RALGAPA2: variants seen among roughly 807,000 people sequenced by gnomAD.
RALGAPA2 encodes the protein Ral GTPase activating protein catalytic subunit alpha 2.
In RALGAPA2, 139 loss-of-function variants were observed where a neutral mutation model predicts 230.4. The ratio of observed to expected loss-of-function variants is 0.60; its 90% CI spans 0.53 to 0.69. The LOEUF (loss-of-function observed/expected upper bound fraction) is 0.69, where lower values mean the gene tolerates loss of function less well. RALGAPA2 is among the 30% of genes least tolerant of loss of function. RALGAPA2 has a pLI of 0.00. For missense variants in RALGAPA2, 2,163 were observed against 2,276.0 expected (o/e 0.95, Z 1.01); for synonymous variants, 847 against 837.8 (o/e 1.01, Z -0.19).
Position 20,513,111 on chromosome 20 carries a change from C to T in RALGAPA2, c.4258G>A (p.Val1420Met). Residue 1420 changes from valine (V) to methionine (M), a missense_variant, in exon 32 of 40, where the codon GTG (valine) becomes ATG (methionine). Transcript: ENST00000202677. ...HVEGSELSFE[V>M]FRSPNLQLFV... is the part of the protein sequence containing the mutation. Reference sequence around the variant, plus strand: ...AGCTGCAGGTTTGGACTTCTGAACACCTCAAAGGACAGCTCGGAGCCTTCC... The same window carrying T: ...AGCTGCAGGTTTGGACTTCTGAACATCTCAAAGGACAGCTCGGAGCCTTCC... 1 of 1,588,834 alleles carries T rather than the reference C, an allele frequency of 6.3e-7. No individual in the cohort carries two copies. The highest frequency in any genetic ancestry group is 8.6e-7 in the Non-Finnish European group (1 of 1,169,214).
intron 4 of RALGAPA2, among the ~76,000 whole-genome samples, chr20:20,647,528 A>G (rs2067257110): frequency 6.6e-6 from 1 of 152,248 alleles, no homozygotes; most frequent in African/African-American, 2.4e-5. Flanking sequence ...TGAAAACATA[A>G]AAGATCTTTG....
At chr20:20,480,660 T>C (rs1303471938) in intron 36 of RALGAPA2, among the ~76,000 whole-genome samples, 1 of 152,148 alleles carries the variant, frequency 6.6e-6, no homozygotes, top group Non-Finnish European at 1.5e-5. Context: ...GGGTGAGTGG[T>C]CCTGCCAGGG....
rs2059633493 is a variant in RALGAPA2 at position 20,393,199 on chromosome 20, T to A, written c.*90A>T. 7.4e-7 allele frequency: 1 copy of A among 1,349,776 alleles called. No homozygotes were observed. The highest frequency in any genetic ancestry group is 9.9e-7 in the Non-Finnish European group (1 of 1,013,836). 83.6% of individuals were successfully genotyped at this position (1,349,776 alleles called of 1,614,324 possible). A position where few individuals can be genotyped will look rare whatever the true frequency, so the allele number is the denominator to read the frequency against. Reference sequence around the variant, plus strand: ...CAGAGGCAGGAGAGGGTGTTCTGTCTCCTCCTCACTCAGGGGCTCTTCGAG... The same window carrying A: ...CAGAGGCAGGAGAGGGTGTTCTGTCACCTCCTCACTCAGGGGCTCTTCGAG... On this transcript the variant is annotated 3_prime_UTR_variant, in exon 40 of 40. Transcript: ENST00000202677.
chr20:20,591,196 C>T lies in RALGAPA2; in HGVS notation c.2322G>A (p.Leu774=). 1 of 1,613,848 alleles carries T rather than the reference C, an allele frequency of 6.2e-7. No individual in the cohort carries two copies. Among genetic ancestry groups the T allele is most frequent in the Non-Finnish European group, 8.5e-7 (1 of 1,179,786 alleles). ...ATGTACCCTGAGAAGAATCTGAGCA[C>T]AGCGGCTCGGGGATGTCGGAGGTGC... ...SSSTSDIPEP[L]CSDSSQGQKA... Residue 774 remains leucine, a synonymous_variant, in exon 17 of 40, where the codon CTG becomes CTA. Transcript: ENST00000202677.
intron 1 of RALGAPA2, among the ~76,000 whole-genome samples, chr20:20,693,878 G>A (rs1444447228): frequency 2.0e-5 from 3 of 152,148 alleles, no homozygotes; most frequent in African/African-American, 7.2e-5. Flanking sequence ...GCTGAGGCCT[G>A]CAGATCACTT....
rs997682778 is a variant in RALGAPA2, at chr20:20,611,404, G to C, written c.1711C>G (p.Leu571Val). ...KTWEQMLQIL[L>V]RITEAVMQKP... ...TGCATGACAGCTTCTGTTATCCTGAGTAGTATTTGCAACATCTGTTCCCTG... is the reference window on the plus strand; with the variant it reads ...TGCATGACAGCTTCTGTTATCCTGACTAGTATTTGCAACATCTGTTCCCTG... The change falls in exon 14 of 40, where the codon CTC (leucine) becomes GTC (valine). Residue 571 changes from leucine (L) to valine (V), a missense_variant. Physicochemically the swap from Leu to Val is conservative, Grantham distance 32. Transcript: ENST00000202677. 1 of 1,612,854 alleles carries C rather than the reference G, an allele frequency of 6.2e-7. No individual in the cohort carries two copies. Among genetic ancestry groups the C allele is most frequent in the African/African-American group, 1.3e-5 (1 of 74,848 alleles).
chr20:20,496,938 G>A (rs1276349678), intron 35 of RALGAPA2, among the ~76,000 whole-genome samples: 1 of 152,232 alleles, frequency 6.6e-6, no homozygotes. Flanking sequence ...ATTCAACTGT[G>A]TTTGAATGTG....
chr20:20,664,209 G>A (rs2067881325), intron 3 of RALGAPA2, among the ~76,000 whole-genome samples: 1 of 152,156 alleles, frequency 6.6e-6, no homozygotes, highest in African/African-American at 2.4e-5. Context: ...GCAGATAAGG[G>A]GGACTACCGT....
chr20:20,698,896 T>A (rs1035419682), intron 1 of RALGAPA2, among the ~76,000 whole-genome samples: 2 of 152,168 alleles, frequency 1.3e-5, no homozygotes, highest in African/African-American at 4.8e-5. Flanking sequence ...CAAGTTACAG[T>A]CCTATCAAAA....
chr20:20,682,162 T>TA (rs746214745), intron 1 of RALGAPA2, among the ~76,000 whole-genome samples: 6 of 152,204 alleles, frequency 3.9e-5, no homozygotes, highest in Non-Finnish European at 1.5e-5. Context: ...GTAAGGTGCT[T>TA]ATAAAGTCTT....
At chr20:20,458,747 TAC>T (rs1213990834) in intron 37 of RALGAPA2, among the ~76,000 whole-genome samples, 1 of 118,590 alleles carries the variant, frequency 8.4e-6, no homozygotes, top group Non-Finnish European at 1.7e-5. Context: ...TATATATATA[TAC>T]ATACACACCT....
intron 37 of RALGAPA2, among the ~76,000 whole-genome samples, chr20:20,456,309 A>T (rs184769459): frequency 6.6e-6 from 1 of 152,254 alleles, no homozygotes; most frequent in African/African-American, 2.4e-5. Context: ...TGAATAACAC[A>T]TAGCTTTACC....
chr20:20,712,334 T>TAACCCGGCGCCCCG lies in RALGAPA2; in HGVS notation c.106+27_106+40dup. On this transcript the variant is annotated intron_variant, in intron 1 of 39. Transcript: ENST00000202677. This position sits in a 1 kb window ranked among gnomAD's most constrained non-coding sequence, Gnocchi z 5.5. ...GGAGCGCCCTCCCGGCAGGTGCCCC[T>TAACCCGGCGCCCCG]AACCCGGCGCCCCGACCCCCGCGCC... 1 of 1,334,054 alleles carries TAACCCGGCGCCCCG rather than the reference T, an allele frequency of 7.5e-7. No individual in the cohort carries two copies. Among genetic ancestry groups the TAACCCGGCGCCCCG allele is most frequent in the Non-Finnish European group, 9.9e-7 (1 of 1,011,786 alleles). 82.6% of individuals were successfully genotyped at this position (1,334,054 alleles called of 1,614,324 possible).
intron 36 of RALGAPA2, among the ~76,000 whole-genome samples, chr20:20,489,392 A>G (rs1054377464): frequency 6.6e-6 from 1 of 152,180 alleles, no homozygotes; most frequent in African/African-American, 2.4e-5. Context: ...TTCAAATAAG[A>G]AATAAGAAAA....
chr20:20,683,989 G>A (rs564788078), intron 1 of RALGAPA2, among the ~76,000 whole-genome samples: 4 of 152,264 alleles, frequency 2.6e-5, no homozygotes, highest in African/African-American at 7.2e-5. Context: ...TGCAGAGTGC[G>A]CCACCTGTAT....
At chr20:20,455,831 T>TG (rs2061103482) in intron 37 of RALGAPA2, among the ~76,000 whole-genome samples, 1 of 152,186 alleles carries the variant, frequency 6.6e-6, no homozygotes, top group Non-Finnish European at 1.5e-5. Context: ...CAAAAGATTT[T>TG]GGGGGAGACA....
intron 26 of RALGAPA2, among the ~76,000 whole-genome samples, chr20:20,535,307 T>C (rs1414325547): frequency 1.3e-5 from 2 of 152,144 alleles, no homozygotes; most frequent in East Asian, 3.8e-4. Flanking sequence ...TGATCATAGG[T>C]TGCTAGCAAC....
Position 20,632,174 on chromosome 20 carries a change from G to A in RALGAPA2, c.1006-2584C>T, listed in dbSNP as rs967750184. Reference sequence around the variant, plus strand: ...TGAGTAGCTGGGACTACAGGCGCCCGCCACCATGCCCAGCTAATTTTTTTG... The same window carrying A: ...TGAGTAGCTGGGACTACAGGCGCCCACCACCATGCCCAGCTAATTTTTTTG... On this transcript the variant is annotated intron_variant, in intron 9 of 39. Coordinates refer to ENST00000202677, the MANE Select transcript of RALGAPA2 (RefSeq NM_020343.4). 5.9e-5 allele frequency among the ~76,000 whole-genome samples: 9 copies of A among 151,872 alleles called. No homozygotes were observed. In the South Asian group the frequency reaches 8.3e-4, roughly 14 times the overall value.
chr20:20,429,621 T>C (rs1470950590), intron 37 of RALGAPA2, among the ~76,000 whole-genome samples: 1 of 152,258 alleles, frequency 6.6e-6, no homozygotes, highest in African/African-American at 2.4e-5. Flanking sequence ...CAGTGATATT[T>C]TGAAGACAAT....
Sources: allele counts gnomAD v4.1 joint callset (sites outside exome capture counted in the v4.1 genomes callset), GRCh38; gene constraint gnomAD v4.1.1; non-coding constraint Gnocchi (gnomAD v3.1); transcripts MANE v1.5; gene names NCBI Gene and HGNC (gene_info 2026-07-23, HGNC 2026-07-21).